Variants in DPP6 observed in about 807,000 individuals in gnomAD.
The protein encoded by DPP6 is A-type potassium channel modulatory protein DPP6.
Under a neutral mutation model 122.6 loss-of-function variants are expected in DPP6, and 69 were observed. The observed-to-expected ratio is 0.56, with a 90% CI of 0.46 to 0.69. DPP6 has a LOEUF of 0.69. Among genes scored for constraint, DPP6 ranks in the 30% least tolerant of loss-of-function variants. DPP6 has a pLI of 0.00. For missense variants in DPP6, 928 were observed against 1,116.9 expected (o/e 0.83, Z 2.41); for synonymous variants, 418 against 433.1 (o/e 0.97, Z 0.43).
chr7:153,786,487 C>T, the DPP6 span, among the ~76,000 whole-genome samples: 2 of 151,650 alleles, frequency 1.3e-5, no homozygotes, highest in African/African-American at 4.8e-5. Context: ...CGCCTGTAAT[C>T]CCAGCACTTT....
intron 7 of DPP6, among the ~76,000 whole-genome samples, chr7:154,675,766 C>T (rs1385518151): frequency 1.3e-5 from 2 of 152,212 alleles, no homozygotes; most frequent in African/African-American, 4.8e-5. Flanking sequence ...GCCCGTTGCC[C>T]TGCTCTGGCA....
chr7:153,976,960 TG>T (rs1378987434), intron 1 of DPP6, among the ~76,000 whole-genome samples: 1 of 152,190 alleles, frequency 6.6e-6, no homozygotes, highest in Non-Finnish European at 1.5e-5. Flanking sequence ...GGGTGAGCCG[TG>T]GTCCTGCTCA....
rs187775245 is a variant in DPP6 at position 154,496,415 on chromosome 7, T to C, written c.457+21378T>C. ...GCTATGTGAGTCCAGAGACTTAAGA[T>C]TTTTTTTACTATGTGAGAATATCCC... On this transcript the variant is annotated intron_variant, in intron 3 of 25. Transcript: ENST00000377770. 6.0e-3 allele frequency among the ~76,000 whole-genome samples: 912 copies of C among 152,258 alleles called. 5 individuals are homozygous for C. Among genetic ancestry groups the C allele is most frequent in the Non-Finnish European group, 9.5e-3 (649 of 68,016 alleles).
chr7:154,011,070 AC>A (rs1249054248), intron 1 of DPP6, among the ~76,000 whole-genome samples: 10 of 152,088 alleles, frequency 6.6e-5, no homozygotes, highest in Admixed American at 3.9e-4. Context: ...TTAACATAAT[AC>A]CCCTATCCCT....
intron 1 of DPP6, among the ~76,000 whole-genome samples, chr7:154,070,123 C>T (rs895817384): frequency 2.0e-5 from 3 of 151,162 alleles, no homozygotes; most frequent in African/African-American, 4.8e-5. Flanking sequence ...TGGACTGTGC[C>T]GTTCACTGTG....
At chr7:154,801,488 GA>G in intron 13 of DPP6, 26 bp downstream of exon 13, 2 of 1,545,920 alleles carry the variant, frequency 1.3e-6, no homozygotes, top group Non-Finnish European at 1.8e-6. Flanking sequence ...TTCCGGAGCT[GA>G]ACTAGAAACT....
At chr7:153,783,294 T>C in the DPP6 span, among the ~76,000 whole-genome samples, 1 of 152,124 alleles carries the variant, frequency 6.6e-6, no homozygotes, top group Non-Finnish European at 1.5e-5. Context: ...CTTACAATCA[T>C]GGCGGAAGAC....
At chr7:153,845,421 A>T in the DPP6 span, among the ~76,000 whole-genome samples, 12 of 152,000 alleles carry the variant, frequency 7.9e-5, no homozygotes, top group African/African-American at 2.9e-4. Context: ...TCTGACATTA[A>T]TATACTGCTA....
the DPP6 span, among the ~76,000 whole-genome samples, chr7:153,813,507 G>A: frequency 1.3e-5 from 2 of 152,118 alleles, no homozygotes; most frequent in African/African-American, 2.4e-5. Flanking sequence ...TGTCTTTATA[G>A]CAGCATGATT....
intron 1 of DPP6, among the ~76,000 whole-genome samples, chr7:154,077,571 G>T (rs1803649491): frequency 6.6e-6 from 1 of 152,138 alleles, no homozygotes; most frequent in Admixed American, 6.5e-5. Flanking sequence ...AGGATTCATT[G>T]TGACAACTGA....
intron 1 of DPP6, among the ~76,000 whole-genome samples, chr7:153,989,321 TTG>T (rs1026568016): frequency 2.1e-5 from 3 of 142,154 alleles, no homozygotes; most frequent in African/African-American, 7.7e-5. Flanking sequence ...GGAGTAAGAT[TTG>T]TGTGAGTGTG....
intron 15 of DPP6, among the ~76,000 whole-genome samples, chr7:154,805,212 C>T (rs945102141): frequency 1.3e-5 from 2 of 152,334 alleles, no homozygotes; most frequent in East Asian, 3.9e-4. Flanking sequence ...ACCCACTTGC[C>T]TCTTTGGCTA....
At chr7:154,235,351 T>C (rs1228169114) in intron 1 of DPP6, among the ~76,000 whole-genome samples, 1 of 152,226 alleles carries the variant, frequency 6.6e-6, no homozygotes, top group African/African-American at 2.4e-5. Context: ...GTGACAGTGC[T>C]TCATGCCTTT....
chr7:153,959,446 G>A (rs1203387884), intron 1 of DPP6, among the ~76,000 whole-genome samples: 1 of 152,242 alleles, frequency 6.6e-6, no homozygotes, highest in Non-Finnish European at 1.5e-5. Context: ...GATGATAAAG[G>A]AGACATTACC....
intron 1 of DPP6, among the ~76,000 whole-genome samples, chr7:154,229,183 C>T (rs947349944): frequency 6.6e-6 from 1 of 152,156 alleles, no homozygotes; most frequent in African/African-American, 2.4e-5. Flanking sequence ...AAAAAACTTG[C>T]TCTTGATTGG....
In DPP6 at chr7:154,301,521, G is replaced by A. The variant is rs563590050; in HGVS notation, c.244-144693G>A. ...TGCACAACTTTAGGGGGGGTAACACGTCCTGTATTTGCCAGTTGTTAACCT... is the reference window on the plus strand; with the variant it reads ...TGCACAACTTTAGGGGGGGTAACACATCCTGTATTTGCCAGTTGTTAACCT... On this transcript the variant is annotated intron_variant, in intron 1 of 25. Coordinates refer to ENST00000377770, the MANE Select transcript of DPP6 (RefSeq NM_130797.4). 2.2e-4 allele frequency among the ~76,000 whole-genome samples: 34 copies of A among 152,240 alleles called. No individual in the cohort carries two copies. The South Asian group carries it at 4.1e-3, about 19-fold the overall frequency.
intron 7 of DPP6, among the ~76,000 whole-genome samples, chr7:154,697,150 G>A (rs1350646687): frequency 6.6e-6 from 1 of 152,242 alleles, no homozygotes; most frequent in Admixed American, 6.5e-5. Flanking sequence ...CAGGGGCACA[G>A]TATTGATGGG....
At chr7:153,994,740 T>C (rs1797345947) in intron 1 of DPP6, among the ~76,000 whole-genome samples, 1 of 152,208 alleles carries the variant, frequency 6.6e-6, no homozygotes, top group African/African-American at 2.4e-5. Context: ...TTTTTAGTTA[T>C]AATACAAGTC....
At chr7:154,443,856 T>C (rs77144978) in intron 1 of DPP6, among the ~76,000 whole-genome samples, 2,772 of 152,334 alleles carry the variant, frequency 0.018, 34 homozygotes, top group Non-Finnish European at 0.023. Flanking sequence ...GAATATGTTA[T>C]AGCCTCACTT....
Sources: gnomAD v4.1 joint callset for allele counts (sites outside exome capture counted in the v4.1 genomes callset) on GRCh38, gnomAD v4.1.1 for gene constraint, MANE v1.5 for transcripts, NCBI Gene and HGNC (gene_info 2026-07-23, HGNC 2026-07-21) for gene names.